GTF2B: variants seen among roughly 807,000 people sequenced by gnomAD.
GTF2B encodes the protein general transcription factor IIB.
GTF2B carries 20 observed loss-of-function variants against 34.6 expected under a neutral mutation model. The ratio of observed to expected loss-of-function variants is 0.58; its 90% CI spans 0.41 to 0.84. The LOEUF is 0.84. Among genes scored for constraint, GTF2B ranks in the 40% least tolerant of loss-of-function variants. The pLI, the probability that GTF2B is intolerant of heterozygous loss-of-function variation, is 0.00. For synonymous variants in GTF2B, 142 were observed against 132.4 expected (o/e 1.07, Z -0.50); for missense variants, 237 against 393.3 (o/e 0.60, Z 3.36).
At chr1:88,874,527 C>T (rs1200215528) in intron 2 of GTF2B, among the ~76,000 whole-genome samples, 1 of 98,296 alleles carries the variant, frequency 1.0e-5, no homozygotes, top group East Asian at 3.1e-4. Context: ...TTTTTTTTTA[C>T]AGACACCGTC....
intron 2 of GTF2B, among the ~76,000 whole-genome samples, chr1:88,884,333 G>C (rs1258246076): frequency 6.6e-6 from 1 of 152,010 alleles, no homozygotes; most frequent in East Asian, 1.9e-4. Flanking sequence ...GCCCAACACT[G>C]ACTTCTTGAA....
intron 1 of GTF2B, among the ~76,000 whole-genome samples, chr1:88,888,636 T>TA (rs1388067503): frequency 6.6e-6 from 1 of 152,136 alleles, no homozygotes; most frequent in Non-Finnish European, 1.5e-5. Flanking sequence ...TCTGCAGTAT[T>TA]AAAAAGTAGA....
At chr1:88,860,500 T>C (rs1043405351) in intron 3 of GTF2B, among the ~76,000 whole-genome samples, 6 of 152,132 alleles carry the variant, frequency 3.9e-5, no homozygotes, top group African/African-American at 1.4e-4. Flanking sequence ...AGAAATATGA[T>C]ACAAACACCT....
chr1:88,891,070 G>C (rs1021454456), intron 1 of GTF2B, among the ~76,000 whole-genome samples: 3 of 127,748 alleles, frequency 2.3e-5, no homozygotes, highest in Non-Finnish European at 3.2e-5. Flanking sequence ...CTTTGAAAAG[G>C]AGAAATTACG....
At chr1:88,857,598 A>G in intron 5 of GTF2B, 111 bp from the exon 6 acceptor site, 2 of 619,324 alleles carry the variant, frequency 3.2e-6, no homozygotes, top group South Asian at 2.2e-5. Flanking sequence ...AAAACATTCA[A>G]TCATACCTTA....
intron 2 of GTF2B, 78 bp downstream of exon 2, chr1:88,887,183 T>A (rs1056317722): frequency 6.8e-6 from 6 of 887,278 alleles, no homozygotes; most frequent in Non-Finnish European, 1.1e-5. Context: ...CCTCCCGAAG[T>A]GCTGGAATTA....
At chr1:88,862,523 C>T (rs530021262) in intron 3 of GTF2B, among the ~76,000 whole-genome samples, 2 of 152,204 alleles carry the variant, frequency 1.3e-5, no homozygotes, top group African/African-American at 4.8e-5. Flanking sequence ...CCCACCTTAG[C>T]GACAGTGTTA....
At chr1:88,872,455 TAAAAAAAA>T (rs34668666) in intron 2 of GTF2B, among the ~76,000 whole-genome samples, 2 of 74,862 alleles carry the variant, frequency 2.7e-5, no homozygotes, top group South Asian at 7.0e-4. Flanking sequence ...TCCATCTCAA[TAAAAAAAA>T]AAAAAAAAAA....
intron 2 of GTF2B, among the ~76,000 whole-genome samples, chr1:88,873,435 G>A (rs1352199180): frequency 1.3e-5 from 2 of 152,060 alleles, no homozygotes; most frequent in South Asian, 2.1e-4. Context: ...TCCTGACCTC[G>A]TGATCTGCCT....
intron 2 of GTF2B, among the ~76,000 whole-genome samples, chr1:88,871,827 G>A (rs558073645): frequency 1.1e-4 from 16 of 152,240 alleles, no homozygotes; most frequent in African/African-American, 3.6e-4. Flanking sequence ...CGCCTTGCAG[G>A]TTCAAGCAAT....
intron 2 of GTF2B, among the ~76,000 whole-genome samples, chr1:88,886,109 A>G (rs1288367786): frequency 2.0e-5 from 3 of 152,184 alleles, no homozygotes; most frequent in Non-Finnish European, 4.4e-5. Context: ...TATAGTAAAC[A>G]TATTAGCTAT....
intron 2 of GTF2B, among the ~76,000 whole-genome samples, chr1:88,885,941 A>C (rs1674056859): frequency 6.6e-6 from 1 of 152,148 alleles, no homozygotes; most frequent in African/African-American, 2.4e-5. Context: ...ACAAGATAGA[A>C]ATCTGCCTCC....
intron 2 of GTF2B, among the ~76,000 whole-genome samples, chr1:88,885,301 G>C (rs1385766383): frequency 6.6e-6 from 1 of 151,618 alleles, no homozygotes; most frequent in Non-Finnish European, 1.5e-5. Context: ...TTAGCCAGGT[G>C]TAGTAGTGGG....
chr1:88,887,411 G>C (rs777419607), intron 1 of GTF2B, 44 bp from the exon 2 acceptor site: 1 of 1,132,010 alleles, frequency 8.8e-7, no homozygotes, highest in South Asian at 1.2e-5. Flanking sequence ...CAACCAACAT[G>C]TATCAAATTA....
intron 1 of GTF2B, among the ~76,000 whole-genome samples, chr1:88,889,069 G>GT (rs1302670206): frequency 6.6e-6 from 1 of 152,130 alleles, no homozygotes; most frequent in African/African-American, 2.4e-5. Flanking sequence ...TTTAAATTAG[G>GT]TCACTTTCGT....
chr1:88,891,539 A>T lies in GTF2B; in HGVS notation c.-40T>A. 1 of 1,584,460 alleles carries T rather than the reference A, an allele frequency of 6.3e-7. No individual in the cohort carries two copies. On this transcript the variant is annotated 5_prime_UTR_variant, in exon 1 of 7. Coordinates refer to ENST00000370500, the MANE Select transcript of GTF2B (RefSeq NM_001514.6). Reference sequence around the variant, plus strand: ...CGGTGCCCGCAACAAGACACAACAGACACACCGAAAGCAGGAAGCGAATGT... The same window carrying T: ...CGGTGCCCGCAACAAGACACAACAGTCACACCGAAAGCAGGAAGCGAATGT...
At chr1:88,878,441 T>C (rs375625313) in intron 2 of GTF2B, among the ~76,000 whole-genome samples, 37 of 152,332 alleles carry the variant, frequency 2.4e-4, no homozygotes, top group Middle Eastern at 3.4e-3. Flanking sequence ...ACATGTTGAA[T>C]AGCATTAACT....
At chr1:88,853,417 T>C in intron 6 of GTF2B, 71 bp from the exon 7 acceptor site, 1 of 1,364,594 alleles carries the variant, frequency 7.3e-7, no homozygotes, top group South Asian at 1.2e-5. Context: ...GCATTGTAAT[T>C]TGTGAGATAT....
At chr1:88,878,441 T>G (rs375625313) in intron 2 of GTF2B, among the ~76,000 whole-genome samples, 1 of 152,214 alleles carries the variant, frequency 6.6e-6, no homozygotes, top group Non-Finnish European at 1.5e-5. Flanking sequence ...ACATGTTGAA[T>G]AGCATTAACT....
Sources: allele counts gnomAD v4.1 joint callset (sites outside exome capture counted in the v4.1 genomes callset), GRCh38; gene constraint gnomAD v4.1.1; transcripts MANE v1.5; gene names NCBI Gene and HGNC (gene_info 2026-07-23, HGNC 2026-07-21).